The following TRPV4 variants were observed in gnomAD, a reference collection of about 807,000 sequenced individuals.
TRPV4 encodes OSM9-like transient receptor potential channel 4.
TRPV4 carries 58 observed loss-of-function variants against 84.1 expected under a neutral mutation model. That is an observed-to-expected ratio of 0.69 (90% CI 0.56 to 0.86). The LOEUF (loss-of-function observed/expected upper bound fraction) is 0.86. Among genes scored for constraint, TRPV4 ranks in the 40% least tolerant of loss-of-function variants. TRPV4 has a pLI of 0.00. For missense variants in TRPV4, 879 were observed against 1,181.1 expected (o/e 0.74, Z 3.75); for synonymous variants, 489 against 500.9 (o/e 0.98, Z 0.32).
At chr12:109,823,963 G>A (rs1307979602) in intron 1 of TRPV4, among the ~76,000 whole-genome samples, 2 of 151,352 alleles carry the variant, frequency 1.3e-5, no homozygotes, top group Non-Finnish European at 1.5e-5. Context: ...GTGTGTGTGC[G>A]CATGTGTGTG....
intron 4 of TRPV4, among the ~76,000 whole-genome samples, chr12:109,801,705 C>T (rs899256483): frequency 6.6e-6 from 1 of 151,986 alleles, no homozygotes; most frequent in Non-Finnish European, 1.5e-5. Context: ...TGGTCCATGC[C>T]GGTGGTCCCA....
intron 1 of TRPV4, among the ~76,000 whole-genome samples, chr12:109,828,094 G>GC (rs1892316842): frequency 6.6e-6 from 1 of 152,208 alleles, no homozygotes; most frequent in African/African-American, 2.4e-5. Context: ...GACAAGAGGG[G>GC]CTGCTGTTAC....
rs146304351 is a variant in TRPV4, at chr12:109,808,332, T to C, written c.523A>G (p.Thr175Ala). ...DLDGLLPFLL[T>A]HKKRLTDEEF... Reference sequence around the variant, plus strand: ...TCATCAGTTAGGCGTTTCTTGTGGGTCAGCAAGAATGGGAGCAGCCCGTCC... The same window carrying C: ...TCATCAGTTAGGCGTTTCTTGTGGGCCAGCAAGAATGGGAGCAGCCCGTCC... The change falls in exon 3 of 16, where the codon ACC (threonine) becomes GCC (alanine). Residue 175 changes from threonine (T) to alanine (A), a missense_variant. Physicochemically the swap from Thr to Ala is moderately conservative, Grantham distance 58. Around this residue, in one of 4 missense-constraint regions of TRPV4, gnomAD observed 521 missense variants for 686.6 expected, o/e 0.76. Transcript: ENST00000261740. 33 of 1,614,028 alleles carry C rather than the reference T, an allele frequency of 2.0e-5. No individual in the cohort carries two copies. Among genetic ancestry groups the C allele is most frequent in the African/African-American group, 4.0e-5 (3 of 74,908 alleles).
At chr12:109,788,201 G>A (rs1176017769) in intron 13 of TRPV4, among the ~76,000 whole-genome samples, 199 bp downstream of exon 13, 1 of 152,270 alleles carries the variant, frequency 6.6e-6, no homozygotes, top group Non-Finnish European at 1.5e-5. Flanking sequence ...AGCCAGGCAA[G>A]AAGCCACCTC....
intron 5 of TRPV4, among the ~76,000 whole-genome samples, chr12:109,799,759 T>C (rs1890655415): frequency 6.6e-6 from 1 of 151,972 alleles, no homozygotes; most frequent in African/African-American, 2.4e-5. Flanking sequence ...TTTTTTTTGT[T>C]CTTTTCTTTT....
At chr12:109,802,704 C>G (rs757451898) in intron 4 of TRPV4, among the ~76,000 whole-genome samples, 2 of 152,038 alleles carry the variant, frequency 1.3e-5, no homozygotes, top group African/African-American at 4.8e-5. Flanking sequence ...GATCTGCCCC[C>G]CTTGGCCTCC....
At chr12:109,825,989 A>G (rs949287023) in intron 1 of TRPV4, among the ~76,000 whole-genome samples, 1 of 152,044 alleles carries the variant, frequency 6.6e-6, no homozygotes, top group South Asian at 2.1e-4. Context: ...AGTAATGCCT[A>G]CCCTCCATGG....
chr12:109,822,152 T>C (rs561490790), intron 1 of TRPV4, among the ~76,000 whole-genome samples: 1 of 121,672 alleles, frequency 8.2e-6, no homozygotes, highest in East Asian at 2.8e-4. Flanking sequence ...AGGAATGGTG[T>C]GGCCTGGGGC....
At chr12:109,831,114 A>C (rs1892397051) in intron 1 of TRPV4, among the ~76,000 whole-genome samples, 1 of 142,350 alleles carries the variant, frequency 7.0e-6, no homozygotes, top group Non-Finnish European at 1.5e-5. Flanking sequence ...TGCCTGTCTG[A>C]TCCCTCACCC....
In TRPV4 at chr12:109,784,389, G is replaced by A. The variant is rs770434546; in HGVS notation, c.2385C>T (p.Ile795=). 1 of 1,614,180 alleles carries A rather than the reference G, an allele frequency of 6.2e-7. No individual in the cohort carries two copies. The highest frequency in any genetic ancestry group is 1.6e-4 in the Middle Eastern group (1 of 6,062). The change falls in exon 15 of 16, where the codon ATC becomes ATT. Residue 795 remains isoleucine (I), a synonymous_variant. Transcript: ENST00000261740. ...TCTCATTCTTGCCCGGGTCCTCGTT[G>A]ATGATGCCCAAGTTCTGGTTCCAGT... The part of the protein sequence containing the change: ...WSHWNQNLGI[I]NEDPGKNETY...
chr12:109,814,649 A>T lies in TRPV4; in HGVS notation c.148T>A (p.Ser50Thr). Residue 50 changes from serine (S) to threonine (T), a missense_variant, in exon 2 of 16, where the codon TCA (serine) becomes ACA (threonine). Physicochemically the swap from Ser to Thr is moderately conservative, Grantham distance 58. Coordinates refer to ENST00000261740, the MANE Select transcript of TRPV4 (RefSeq NM_021625.5). This position sits in a 1 kb window ranked among gnomAD's most constrained non-coding sequence, Gnocchi z 5.4. ...FEGEDGSLSP[S>T]PADASRPAGP... ...GCAGGGCGACTGGCATCAGCCGGTG[A>T]GGGCGAAAGGGAGCCATCCTCCCCC... The T allele has an allele frequency of 1.9e-6, 3 of 1,613,608 alleles. No individual in the cohort carries two copies. The highest frequency in any genetic ancestry group is 1.7e-6 in the Non-Finnish European group (2 of 1,179,910).
chr12:109,809,319 C>G (rs1027581191), intron 2 of TRPV4, among the ~76,000 whole-genome samples: 1 of 140,290 alleles, frequency 7.1e-6, no homozygotes, highest in Non-Finnish European at 1.6e-5. Context: ...CCATCCATCC[C>G]TCATCCATAC....
At chr12:109,820,513 C>CTT (rs1245573219) in intron 1 of TRPV4, among the ~76,000 whole-genome samples, 6 of 106,722 alleles carry the variant, frequency 5.6e-5, no homozygotes, top group Non-Finnish European at 1.2e-4. Context: ...CTTCAGCTGC[C>CTT]CTATTTTTTT....
intron 8 of TRPV4, 57 bp from the exon 9 acceptor site, chr12:109,794,079 C>T (rs908869351): frequency 2.1e-6 from 3 of 1,416,072 alleles, no homozygotes; most frequent in Non-Finnish European, 2.9e-6. Flanking sequence ...ATCTGGCCCC[C>T]AATCCAGATG....
chr12:109,818,291 C>G (rs139385122), intron 1 of TRPV4, among the ~76,000 whole-genome samples: 283 of 152,142 alleles, frequency 1.9e-3, no homozygotes, highest in Non-Finnish European at 3.5e-3. Flanking sequence ...TGGGATCCGC[C>G]ATGCCGGATG....
Position 109,783,601 on chromosome 12 carries a change from C to G in TRPV4, c.*20G>C. The G allele has an allele frequency of 1.2e-6, 2 of 1,608,608 alleles. No individual in the cohort carries two copies. The highest frequency in any genetic ancestry group is 1.7e-6 in the Non-Finnish European group (2 of 1,176,554). On this transcript the variant is annotated 3_prime_UTR_variant, in exon 16 of 16. Coordinates refer to ENST00000261740, the MANE Select transcript of TRPV4 (RefSeq NM_021625.5). This position sits in a 1 kb window ranked among gnomAD's most constrained non-coding sequence, Gnocchi z 4.6. ...GACTAGAAATGAGTGGGCAGAGAAG[C>G]TGGGGCTGGGCTGCAGTCCCTAGAG...
chr12:109,821,761 A>G (rs1892108291), intron 1 of TRPV4, among the ~76,000 whole-genome samples: 1 of 151,990 alleles, frequency 6.6e-6, no homozygotes, highest in African/African-American at 2.4e-5. Context: ...TGAACCCCTG[A>G]CCTCAGATGA....
At chr12:109,812,489 G>C (rs181171118) in intron 2 of TRPV4, among the ~76,000 whole-genome samples, 3 of 152,368 alleles carry the variant, frequency 2.0e-5, no homozygotes, top group Admixed American at 2.0e-4. Flanking sequence ...GTGCCAGGAA[G>C]AGAAGGTAGG....
At chr12:109,822,678 G>C (rs577246118) in intron 1 of TRPV4, among the ~76,000 whole-genome samples, 1 of 152,296 alleles carries the variant, frequency 6.6e-6, no homozygotes, top group Non-Finnish European at 1.5e-5. Context: ...ATGGAGTGGG[G>C]GATGGGTCGC....
Sources: gnomAD v4.1 joint callset for allele counts (sites outside exome capture counted in the v4.1 genomes callset) on GRCh38, gnomAD v4.1.1 for gene constraint, gnomAD v4.1.1 regional missense constraint, Gnocchi (gnomAD v3.1) non-coding constraint, MANE v1.5 for transcripts, NCBI Gene and HGNC (gene_info 2026-07-23, HGNC 2026-07-21) for gene names.